Variants in WNK3 observed in about 807,000 individuals in gnomAD.
WNK3 encodes the protein WNK lysine deficient protein kinase 3.
A neutral mutation model predicts 116.7 loss-of-function variants in WNK3; 18 were observed. The observed-to-expected ratio is 0.15, with a 90% CI of 0.11 to 0.23. The LOEUF (loss-of-function observed/expected upper bound fraction) is 0.23, where lower values mean the gene tolerates loss of function less well. Ranked by LOEUF, WNK3 falls within the 10% of genes least tolerant of loss-of-function variation. The pLI is 1.00. For synonymous variants in WNK3, 404 were observed against 469.4 expected, an observed-to-expected ratio of 0.86 and a Z score of 1.80; for missense variants, 993 against 1,323.8, an observed-to-expected ratio of 0.75 and a Z score of 3.88.
intron 22 of WNK3, among the ~76,000 whole-genome samples, chrX:54,218,815 C>T (rs1198880069): frequency 4.5e-5 from 5 of 110,905 alleles, no homozygotes; most frequent in African/African-American, 1.3e-4. Flanking sequence ...ACCCGGGAAG[C>T]GGAGGTTGCA....
chrX:54,317,639 CTTT>C (rs1358253900), intron 2 of WNK3, among the ~76,000 whole-genome samples: 1 of 103,053 alleles, frequency 9.7e-6, no homozygotes, highest in Admixed American at 1.1e-4. Flanking sequence ...TTTTTTTTTT[CTTT>C]TTTTTTTGAG....
At chrX:54,279,291 T>C (rs1333758159) in intron 10 of WNK3, among the ~76,000 whole-genome samples, 3 of 110,967 alleles carry the variant, frequency 2.7e-5, no homozygotes, top group Admixed American at 9.7e-5. Context: ...GGCATATGTT[T>C]ATATAAGGCA....
At chrX:54,243,005 G>T (rs1190005913) in intron 17 of WNK3, among the ~76,000 whole-genome samples, 2 of 110,138 alleles carry the variant, frequency 1.8e-5, no homozygotes, top group African/African-American at 6.6e-5. Context: ...GAGATGGGGG[G>T]TCTCACTATG....
At chrX:54,239,479 GTTACT>G (rs1557151124) in intron 17 of WNK3, among the ~76,000 whole-genome samples, 1 of 110,272 alleles carries the variant, frequency 9.1e-6, no homozygotes, top group East Asian at 2.8e-4. Context: ...TACTAAAAAG[GTTACT>G]AAAACTCCAT....
chrX:54,251,825 G>A lies in WNK3; in HGVS notation c.2368-138C>T, dbSNP rs782380601. On this transcript the variant is annotated intron_variant, in intron 13 of 23. Coordinates refer to ENST00000354646, the Ensembl canonical transcript of WNK3. The stretch of plus-strand genomic sequence containing the variant: ...TCATGCCTGTAATCCCAGCACTTTG[G>A]GAGGCTGAGGTGGGTGGATCACCTG... 3.7e-4 allele frequency: 194 copies of A among 523,657 alleles called. No homozygotes were observed. The East Asian group carries it at 6.8e-3, about 18-fold the overall frequency. The allele number at this position is 523,657 out of a possible 1,213,427, so 43.2% of individuals were successfully genotyped here. A position where few individuals can be genotyped will look rare whatever the true frequency, so the allele number is the denominator to read the frequency against.
At chrX:54,337,642 G>T (rs1236436895) in intron 1 of WNK3, among the ~76,000 whole-genome samples, 2 of 108,748 alleles carry the variant, frequency 1.8e-5, no homozygotes, top group Non-Finnish European at 3.8e-5. Flanking sequence ...TGCAATCCCA[G>T]GTACTCAGGA....
At chrX:54,270,233 G>A (rs1455138258) in intron 10 of WNK3, among the ~76,000 whole-genome samples, 1 of 109,370 alleles carries the variant, frequency 9.1e-6, no homozygotes, top group Non-Finnish European at 1.9e-5. Flanking sequence ...AGCCTCCTGT[G>A]TAGGTAGGAC....
At chrX:54,318,867 C>T (rs2068995052) in intron 2 of WNK3, among the ~76,000 whole-genome samples, 1 of 109,738 alleles carries the variant, frequency 9.1e-6, no homozygotes, top group African/African-American at 3.3e-5. Flanking sequence ...ACCTCCACTT[C>T]CCGGGATCAA....
At chrX:54,332,317 C>T (rs1285261037) in intron 2 of WNK3, among the ~76,000 whole-genome samples, 2 of 111,831 alleles carry the variant, frequency 1.8e-5, no homozygotes, top group African/African-American at 6.5e-5. Context: ...CTGAGGTAAA[C>T]TCAAAGGCAT....
intron 2 of WNK3, among the ~76,000 whole-genome samples, chrX:54,327,228 C>T (rs2069116241): frequency 8.9e-6 from 1 of 111,754 alleles, no homozygotes; most frequent in Non-Finnish European, 1.9e-5. Flanking sequence ...GTATTCTAAA[C>T]AAATGGAGTG....
At position 54,200,711 on chromosome X, in the gene WNK3, C is replaced by T. The variant is rs181527112; in HGVS notation, c.5073+1280G>A. ...TACTCACCCTTCCTCCAAACATCCTCCATTATACTCCAGTAAACAGCCCTC... is the reference window on the plus strand; with the variant it reads ...TACTCACCCTTCCTCCAAACATCCTTCATTATACTCCAGTAAACAGCCCTC... On this transcript the variant is annotated intron_variant, in intron 23 of 23. Coordinates refer to ENST00000354646, the Ensembl canonical transcript of WNK3. 1.6e-3 allele frequency among the ~76,000 whole-genome samples: 179 copies of T among 111,649 alleles called. 2 individuals are homozygous for T. Among genetic ancestry groups the T allele is most frequent in the African/African-American group, 5.5e-3 (171 of 30,817 alleles).
chrX:54,345,186 G>A (rs2069398483), intron 1 of WNK3, among the ~76,000 whole-genome samples: 1 of 108,660 alleles, frequency 9.2e-6, no homozygotes, highest in Non-Finnish European at 1.9e-5. Context: ...AGCTTGCAGT[G>A]AGCCGAGATT....
chrX:54,259,403 T>C, intron 10 of WNK3, 65 bp from the exon 11 acceptor site: 2 of 718,594 alleles, frequency 2.8e-6, no homozygotes, highest in Non-Finnish European at 4.0e-6. Flanking sequence ...ATATACAATT[T>C]GTTACTATTC....
At chrX:54,313,417 T>A (rs901498923) in intron 2 of WNK3, among the ~76,000 whole-genome samples, 1 of 108,545 alleles carries the variant, frequency 9.2e-6, no homozygotes, top group Non-Finnish European at 1.9e-5. Context: ...AATGGCGCGA[T>A]CTTGGCTCAC....
At chrX:54,264,790 T>C (rs961575542) in intron 10 of WNK3, among the ~76,000 whole-genome samples, 1 of 110,906 alleles carries the variant, frequency 9.0e-6, no homozygotes, top group Non-Finnish European at 1.9e-5. Flanking sequence ...AACAAACTGA[T>C]CAGGCACAGT....
In WNK3 at chrX:54,309,046, T is replaced by C. The variant is rs782247473; in HGVS notation, c.931+49A>G. On this transcript the variant is annotated intron_variant, in intron 4 of 23. Coordinates refer to ENST00000354646, the Ensembl canonical transcript of WNK3. ...TGATTCCTGTTCTAGACCTATACAA[T>C]TGAAAAATCTCTCTTTACCCAACCA... 3 of 1,088,342 alleles carry C rather than the reference T, an allele frequency of 2.8e-6. No homozygotes were observed. In the South Asian group the frequency reaches 5.7e-5, roughly 21 times the overall value. 89.7% of individuals were successfully genotyped at this position (1,088,342 alleles called of 1,213,427 possible).
chrX:54,300,104 C>T (rs1186946676), intron 6 of WNK3, among the ~76,000 whole-genome samples: 1 of 111,230 alleles, frequency 9.0e-6, no homozygotes, highest in African/African-American at 3.3e-5. Flanking sequence ...AAGTGATCTG[C>T]CCGCCTCAGC....
intron 6 of WNK3, among the ~76,000 whole-genome samples, chrX:54,300,016 C>T (rs781797596): frequency 1.1e-4 from 12 of 110,149 alleles, no homozygotes; most frequent in East Asian, 5.7e-4. Flanking sequence ...CCCACCACCA[C>T]GCCCAGCTAA....
rs782807022 is a variant in WNK3 at position 54,313,630 on chromosome X, G to A, written c.538-2339C>T. Among the ~76,000 whole-genome samples the A allele has an allele frequency of 1.9e-4, 21 of 110,452 alleles. No individual in the cohort carries two copies. In the South Asian group the frequency reaches 7.0e-3, roughly 37 times the overall value. ...CTCCCAAAGTGCTGGGATTACAGGC[G>A]TGAGCCACCTCGCCTGGCACAACTC... is the stretch of plus-strand genomic sequence containing the variant. On this transcript the variant is annotated intron_variant, in intron 2 of 23. Transcript: ENST00000354646.
Sources: allele counts gnomAD v4.1 joint callset (sites outside exome capture counted in the v4.1 genomes callset), GRCh38; gene constraint gnomAD v4.1.1; transcripts MANE v1.5; gene names NCBI Gene and HGNC (gene_info 2026-07-23, HGNC 2026-07-21).